BTAF1: variants seen among roughly 807,000 people sequenced by gnomAD.
BTAF1 encodes B-TFIID TATA-box binding protein associated factor 1, also known as TATA-binding protein-associated factor 172.
In BTAF1, 38 loss-of-function variants were observed where a neutral mutation model predicts 227.1. The observed-to-expected ratio is 0.17, with a 90% CI of 0.13 to 0.22. The LOEUF is 0.22. Ranked by LOEUF, BTAF1 falls within the 10% of genes least tolerant of loss-of-function variation. The pLI is 1.00. For missense variants in BTAF1, 1,598 were observed against 2,204.0 expected (o/e 0.73, Z 5.51); for synonymous variants, 742 against 751.9 (o/e 0.99, Z 0.21).
chr10:92,012,964 A>G (rs1320187640), intron 30 of BTAF1, among the ~76,000 whole-genome samples: 3 of 152,120 alleles, frequency 2.0e-5, no homozygotes, highest in Non-Finnish European at 2.9e-5. Context: ...TTGCTTTTTA[A>G]AGGCCCTTTC....
chr10:91,990,260 G>T (rs1470261333), intron 20 of BTAF1, among the ~76,000 whole-genome samples: 2 of 152,104 alleles, frequency 1.3e-5, no homozygotes, highest in African/African-American at 4.8e-5. Flanking sequence ...CATAGATCTT[G>T]AAAAATATGT....
intron 3 of BTAF1, among the ~76,000 whole-genome samples, chr10:91,940,757 T>C (rs1844936076): frequency 6.6e-6 from 1 of 152,150 alleles, no homozygotes; most frequent in South Asian, 2.1e-4. Flanking sequence ...CAGTTTTGGC[T>C]CACTGCAGCT....
intron 3 of BTAF1, among the ~76,000 whole-genome samples, chr10:91,940,523 T>C (rs774275250): frequency 6.6e-6 from 1 of 152,220 alleles, no homozygotes; most frequent in South Asian, 2.1e-4. Flanking sequence ...TGGGAAAAAA[T>C]GTGTTCTGAT....
chr10:91,938,532 C>T (rs933309146), intron 2 of BTAF1, among the ~76,000 whole-genome samples: 3 of 152,206 alleles, frequency 2.0e-5, no homozygotes, highest in African/African-American at 7.2e-5. Context: ...TATTATTTCT[C>T]CATTGAATTG....
At chr10:92,025,950 G>T (rs1851482608) in intron 35 of BTAF1, among the ~76,000 whole-genome samples, 1 of 152,088 alleles carries the variant, frequency 6.6e-6, no homozygotes, top group Non-Finnish European at 1.5e-5. Flanking sequence ...GTTCTCTTGA[G>T]CCTGTTTATC....
At chr10:91,939,310 A>G (rs1415655786) in intron 2 of BTAF1, among the ~76,000 whole-genome samples, 2 of 152,222 alleles carry the variant, frequency 1.3e-5, no homozygotes, top group African/African-American at 4.8e-5. Context: ...CAACCATACT[A>G]AACTTGAGAT....
intron 1 of BTAF1, 115 bp downstream of exon 1, chr10:91,924,205 T>G (rs1843670632): frequency 7.1e-7 from 1 of 1,400,820 alleles, no homozygotes; most frequent in Admixed American, 2.7e-5. Flanking sequence ...GCTCTGGAGC[T>G]TTCTTCAGTA....
At chr10:91,968,019 A>C (rs1847043085) in intron 14 of BTAF1, among the ~76,000 whole-genome samples, 1 of 152,154 alleles carries the variant, frequency 6.6e-6, no homozygotes, top group Non-Finnish European at 1.5e-5. Flanking sequence ...TGGTACATTT[A>C]TTAAAACTGA....
chr10:91,951,377 A>G (rs1403372125), intron 4 of BTAF1, 26 bp from the exon 5 acceptor site: 1 of 1,596,326 alleles, frequency 6.3e-7, no homozygotes, highest in East Asian at 2.2e-5. Flanking sequence ...TGATTTGGAG[A>G]AAACGTATTT....
rs542270022 is a variant in BTAF1 at position 91,923,857 on chromosome 10, C to A, written c.-220C>A. ...GTGCGGGTCGGAGGACTGCCGCCTCCGCTACCGTCTTGGACCCCTGCTTAC... is the reference window on the plus strand; with the variant it reads ...GTGCGGGTCGGAGGACTGCCGCCTCAGCTACCGTCTTGGACCCCTGCTTAC... On this transcript the variant is annotated 5_prime_UTR_variant, in exon 1 of 38. Coordinates refer to ENST00000265990, the MANE Select transcript of BTAF1 (RefSeq NM_003972.3). 1 of 467,988 alleles carries A rather than the reference C, an allele frequency of 2.1e-6. No individual in the cohort carries two copies. Among genetic ancestry groups the A allele is most frequent in the South Asian group, 3.8e-5 (1 of 26,596 alleles). 29.0% of individuals were successfully genotyped at this position (467,988 alleles called of 1,614,324 possible).
In BTAF1 at chr10:91,959,084, C is replaced by G; in HGVS notation, c.920C>G (p.Thr307Ser). The G allele has an allele frequency of 6.2e-7, 1 of 1,614,082 alleles. No individual in the cohort carries two copies. Among genetic ancestry groups the G allele is most frequent in the Non-Finnish European group, 8.5e-7 (1 of 1,179,976 alleles). ...TTTCAGGTTCGACATGGTGCAGGCA[C>G]TGGACTTAGGGAAATTCTTAAAGCT... ...PSWEVRHGAGTGLREILKAHG... is the reference protein window; with the variant it reads ...PSWEVRHGAGSGLREILKAHG... Residue 307 changes from threonine (T) to serine (S), a missense_variant, in exon 9 of 38, where the codon ACT becomes AGT. By Grantham distance (58) the Thr-to-Ser change is moderately conservative (BLOSUM62 1). This residue lies in a region of BTAF1 where 298 missense variants were observed against 395.2 expected (regional missense o/e 0.75). Transcript: ENST00000265990.
In BTAF1 at chr10:91,951,397, T is replaced by C; in HGVS notation, c.401-6T>C. 4 of 1,605,252 alleles carry C rather than the reference T, an allele frequency of 2.5e-6. No homozygotes were observed. The highest frequency in any genetic ancestry group is 1.1e-5 in the South Asian group (1 of 88,410). On this transcript the variant is annotated splice_polypyrimidine_tract_variant and splice_region_variant and intron_variant, in intron 4 of 37. Coordinates refer to ENST00000265990, the MANE Select transcript of BTAF1 (RefSeq NM_003972.3). The stretch of plus-strand genomic sequence containing the variant: ...TGGAGAAAACGTATTTCTTTTCTGT[T>C]GAAAGGTGAAGTGGATCCTAAAGAG...
chr10:91,929,605 A>G (rs909466950), intron 1 of BTAF1, among the ~76,000 whole-genome samples: 1 of 152,232 alleles, frequency 6.6e-6, no homozygotes, highest in African/African-American at 2.4e-5. Flanking sequence ...TTCTTGATGT[A>G]GGGGACGTTC....
intron 14 of BTAF1, among the ~76,000 whole-genome samples, chr10:91,978,823 T>TG (rs1564689941): frequency 6.7e-6 from 1 of 150,018 alleles, no homozygotes; most frequent in Non-Finnish European, 1.5e-5. Flanking sequence ...TGTTTTTTTT[T>TG]TTTTTTTTTT....
intron 3 of BTAF1, 74 bp from the exon 4 acceptor site, chr10:91,942,348 G>T: frequency 1.2e-5 from 13 of 1,113,624 alleles, no homozygotes; most frequent in Non-Finnish European, 1.6e-5. Context: ...TGCAACCCAA[G>T]TAATGATATG....
At chr10:91,952,158 GTT>G (rs1476755799) in intron 5 of BTAF1, among the ~76,000 whole-genome samples, 4 of 146,052 alleles carry the variant, frequency 2.7e-5, no homozygotes, top group Non-Finnish European at 4.5e-5. Flanking sequence ...GTGTGTGTGT[GTT>G]TGTGTGTGTG....
intron 11 of BTAF1, among the ~76,000 whole-genome samples, chr10:91,961,920 TG>T (rs1846550089): frequency 6.6e-6 from 1 of 152,190 alleles, no homozygotes; most frequent in Non-Finnish European, 1.5e-5. Flanking sequence ...GCTAGGATTC[TG>T]GCAGAGGGGT....
At position 91,951,810 on chromosome 10, in the gene BTAF1, G is replaced by T. The variant is rs556713401; in HGVS notation, c.564+244G>T. On this transcript the variant is annotated intron_variant, in intron 5 of 37. Transcript: ENST00000265990. ...GTAGTAGACCTTTTAGGCACTACTG[G>T]TATTGAAAGATTCTAATTGCTGCAA... Among the ~76,000 whole-genome samples, 81 of 152,220 alleles carry T rather than the reference G, an allele frequency of 5.3e-4. 1 individual carries two copies. Among genetic ancestry groups the T allele is most frequent in the African/African-American group, 1.8e-3 (75 of 41,544 alleles).
intron 24 of BTAF1, among the ~76,000 whole-genome samples, chr10:91,996,877 TTTA>T (rs1171065519): frequency 6.6e-6 from 1 of 152,184 alleles, no homozygotes; most frequent in Non-Finnish European, 1.5e-5. Context: ...TAGTAAGTGA[TTTA>T]TTTGTTTATA....
Sources: allele counts gnomAD v4.1 joint callset (sites outside exome capture counted in the v4.1 genomes callset), GRCh38; gene constraint gnomAD v4.1.1; regional missense constraint gnomAD v4.1.1; transcripts MANE v1.5; gene names NCBI Gene and HGNC (gene_info 2026-07-23, HGNC 2026-07-21).